The following DCDC2C variants were observed in gnomAD, a reference collection of about 807,000 sequenced individuals.
The protein encoded by DCDC2C is doublecortin domain-containing protein 2C.
A neutral mutation model predicts 45.0 loss-of-function variants in DCDC2C; 44 were observed. The observed-to-expected ratio is 0.98, with a 90% CI of 0.77 to 1.26. The LOEUF is 1.26. Ranked by LOEUF, DCDC2C falls within the 50% of genes most tolerant of loss-of-function variation. The pLI, the probability that DCDC2C is intolerant of heterozygous loss-of-function variation, is 0.00. For synonymous variants in DCDC2C, 187 were observed against 178.8 expected, an observed-to-expected ratio of 1.05 and a Z score of -0.37; for missense variants, 447 against 468.9, an observed-to-expected ratio of 0.95 and a Z score of 0.43.
At chr2:3,723,947 C>G (rs574603997) in intron 2 of DCDC2C, among the ~76,000 whole-genome samples, 2 of 151,990 alleles carry the variant, frequency 1.3e-5, no homozygotes, top group African/African-American at 4.8e-5. Flanking sequence ...CCCCCTTCCC[C>G]CTTCTCTGTC....
intron 10 of DCDC2C, among the ~76,000 whole-genome samples, chr2:3,788,056 T>G (rs1233488787): frequency 6.6e-6 from 1 of 152,240 alleles, no homozygotes; most frequent in South Asian, 2.1e-4. Context: ...TTGCAAGTGT[T>G]GCTTCCTGGA....
intron 9 of DCDC2C, among the ~76,000 whole-genome samples, chr2:3,783,547 G>T (rs1305421885): frequency 6.6e-6 from 1 of 152,260 alleles, no homozygotes; most frequent in East Asian, 1.9e-4. Context: ...TCTTCTGAGT[G>T]ACTTACATTT....
chr2:3,757,965 G>A (rs1043840071), intron 6 of DCDC2C, among the ~76,000 whole-genome samples: 5 of 152,220 alleles, frequency 3.3e-5, no homozygotes, highest in Non-Finnish European at 7.3e-5. Flanking sequence ...GCACGTAGGG[G>A]TCAGGGGAGC....
At chr2:3,807,083 AT>A (rs35544021) in intron 10 of DCDC2C, among the ~76,000 whole-genome samples, 15,708 of 149,208 alleles carry the variant, frequency 0.11, 1,094 homozygotes, top group East Asian at 0.29. Context: ...TCAGAAAGCT[AT>A]TTTTTTTTTT....
chr2:3,748,270 T>G (rs1370811952), intron 4 of DCDC2C, among the ~76,000 whole-genome samples: 3 of 147,542 alleles, frequency 2.0e-5, no homozygotes, highest in African/African-American at 5.0e-5. Context: ...CCACAGTGGC[T>G]GGGGCAAAGG....
intron 10 of DCDC2C, among the ~76,000 whole-genome samples, chr2:3,812,877 A>G (rs1007682001): frequency 2.0e-5 from 3 of 151,688 alleles, no homozygotes; most frequent in Non-Finnish European, 2.9e-5. Flanking sequence ...ATTTCCATGT[A>G]TTTGTGTGCT....
At chr2:3,705,673 C>G (rs1198385600) in intron 1 of DCDC2C, among the ~76,000 whole-genome samples, 2 of 152,136 alleles carry the variant, frequency 1.3e-5, no homozygotes, top group Non-Finnish European at 2.9e-5. Flanking sequence ...TACTCTTTCC[C>G]CTTGCTGTGG....
Position 3,752,763 on chromosome 2 carries a change from A to T in DCDC2C, c.546A>T (p.Lys182Asn). The change falls in exon 5 of 11, where the codon AAA becomes AAT. Residue 182 changes from lysine to asparagine, a missense_variant and splice_region_variant. Physicochemically the swap from Lys to Asn is moderately conservative, Grantham distance 94. Coordinates refer to ENST00000399143, the MANE Select transcript of DCDC2C (RefSeq NM_001287444.2). ...EKVFPLGGVRKLFTMNGHLLG... is the reference protein window; with the variant it reads ...EKVFPLGGVRNLFTMNGHLLG... Reference sequence around the variant, plus strand: ...TCATTTCTTCTTTCTGTTTTTACAGATTATTTACAATGAATGGGCATCTTT... The same window carrying T: ...TCATTTCTTCTTTCTGTTTTTACAGTTTATTTACAATGAATGGGCATCTTT... The T allele has an allele frequency of 1.3e-6, 2 of 1,550,420 alleles. No individual in the cohort carries two copies. The highest frequency in any genetic ancestry group is 1.7e-6 in the Non-Finnish European group (2 of 1,146,890).
Position 3,719,790 on chromosome 2 carries a change from A to G in DCDC2C, c.340-7213A>G, listed in dbSNP as rs148689594. Among the ~76,000 whole-genome samples the G allele has an allele frequency of 8.7e-3, 1,330 of 152,266 alleles. 19 individuals are homozygous for G. Among genetic ancestry groups the G allele is most frequent in the African/African-American group, 0.031 (1,275 of 41,542 alleles). ...GTAAGTAAGTTTATTGAATGAAGAA[A>G]CTATAGACAGTAGTGGATGCTGTGG... is the stretch of plus-strand genomic sequence containing the variant. On this transcript the variant is annotated intron_variant, in intron 2 of 10. Transcript: ENST00000399143.
intron 10 of DCDC2C, among the ~76,000 whole-genome samples, chr2:3,822,613 A>G (rs1349127468): frequency 2.0e-5 from 3 of 149,582 alleles, no homozygotes; most frequent in African/African-American, 4.9e-5. Flanking sequence ...AAAATTTTCT[A>G]TTTTACTTTT....
intron 10 of DCDC2C, among the ~76,000 whole-genome samples, chr2:3,810,794 A>C (rs1176567049): frequency 6.6e-6 from 1 of 152,238 alleles, no homozygotes; most frequent in East Asian, 1.9e-4. Flanking sequence ...AGTTTTCTGC[A>C]TATGGCTAGC....
At position 3,711,379 on chromosome 2, in the gene DCDC2C, A is replaced by G. The variant is rs138364770; in HGVS notation, c.339+2779A>G. Among the ~76,000 whole-genome samples the G allele has an allele frequency of 4.5e-3, 682 of 152,304 alleles. 3 individuals are homozygous for G. The highest frequency in any genetic ancestry group is 7.0e-3 in the Non-Finnish European group (476 of 68,018). On this transcript the variant is annotated intron_variant, in intron 2 of 10. Coordinates refer to ENST00000399143, the MANE Select transcript of DCDC2C (RefSeq NM_001287444.2). Reference sequence around the variant, plus strand: ...CAGCACTATACACAATAGAAAAGACATGGAACCAACCTAAATGCCCATCAA... The same window carrying G: ...CAGCACTATACACAATAGAAAAGACGTGGAACCAACCTAAATGCCCATCAA...
chr2:3,768,133 G>C (rs1451656535), intron 7 of DCDC2C, among the ~76,000 whole-genome samples: 1 of 151,868 alleles, frequency 6.6e-6, no homozygotes, highest in African/African-American at 2.4e-5. Context: ...TTTAAAATCA[G>C]CTTACACCAG....
intron 10 of DCDC2C, among the ~76,000 whole-genome samples, chr2:3,807,221 G>A (rs1202573633): frequency 6.6e-6 from 1 of 152,134 alleles, no homozygotes; most frequent in Non-Finnish European, 1.5e-5. Context: ...CAGCCTTTCT[G>A]CGCTTTCTCA....
intron 10 of DCDC2C, among the ~76,000 whole-genome samples, chr2:3,786,176 G>A (rs1670646454): frequency 1.3e-5 from 2 of 151,812 alleles, no homozygotes; most frequent in Admixed American, 6.6e-5. Flanking sequence ...GTGTCCCACC[G>A]AGCACTGAGC....
At chr2:3,847,070 G>A (rs1672352655) in intron 10 of DCDC2C, 84 bp from the exon 11 acceptor site, 1 of 591,384 alleles carries the variant, frequency 1.7e-6, no homozygotes, top group African/African-American at 2.1e-5. Context: ...AGAAATGCAA[G>A]CTCCTGAGAG....
At chr2:3,729,351 G>C (rs530234388) in intron 3 of DCDC2C, among the ~76,000 whole-genome samples, 44 of 152,238 alleles carry the variant, frequency 2.9e-4, no homozygotes, top group African/African-American at 1.0e-3. Context: ...CCCTCATTGC[G>C]AGACTGACGT....
At chr2:3,783,864 A>G (rs1488403758) in intron 9 of DCDC2C, among the ~76,000 whole-genome samples, 2 of 152,274 alleles carry the variant, frequency 1.3e-5, no homozygotes, top group African/African-American at 4.8e-5. Flanking sequence ...GTTTATCTAC[A>G]TGAAAATCAA....
At chr2:3,722,452 C>G (rs1167481279) in intron 2 of DCDC2C, among the ~76,000 whole-genome samples, 1 of 152,206 alleles carries the variant, frequency 6.6e-6, no homozygotes, top group African/African-American at 2.4e-5. Context: ...TACTGCAATG[C>G]TTGATCCATG....
Sources: gnomAD v4.1 joint callset for allele counts (sites outside exome capture counted in the v4.1 genomes callset) on GRCh38, gnomAD v4.1.1 for gene constraint, MANE v1.5 for transcripts, NCBI Gene and HGNC (gene_info 2026-07-23, HGNC 2026-07-21) for gene names.